PRKCQ: variants seen among roughly 807,000 people sequenced by gnomAD.
The protein encoded by PRKCQ is protein kinase C theta.
In PRKCQ, 41 loss-of-function variants were observed where a neutral mutation model predicts 91.2. The observed-to-expected ratio is 0.45, with a 90% CI of 0.35 to 0.58. The LOEUF is 0.58. Ranked by LOEUF, PRKCQ falls within the 20% of genes least tolerant of loss-of-function variation. The pLI, the probability that PRKCQ is intolerant of heterozygous loss-of-function variation, is 0.00. For missense variants in PRKCQ, 673 were observed against 896.5 expected (o/e 0.75, Z 3.18); for synonymous variants, 307 against 316.9 (o/e 0.97, Z 0.33).
At chr10:6,428,618 A>ATCTAATATT (rs570381367) in intron 17 of PRKCQ, among the ~76,000 whole-genome samples, 211 of 152,208 alleles carry the variant, frequency 1.4e-3, no homozygotes, top group African/African-American at 4.9e-3. Flanking sequence ...TTCAAATGGG[A>ATCTAATATT]TCTAATGTTT....
At chr10:6,505,019 G>A (rs528700743) in intron 4 of PRKCQ, among the ~76,000 whole-genome samples, 2 of 151,336 alleles carry the variant, frequency 1.3e-5, no homozygotes, top group Admixed American at 1.3e-4. Flanking sequence ...TCAGCCTCCC[G>A]AGTAGCTGGG....
intron 1 of PRKCQ, among the ~76,000 whole-genome samples, chr10:6,519,669 G>C (rs1299029873): frequency 6.6e-6 from 1 of 152,148 alleles, no homozygotes; most frequent in Non-Finnish European, 1.5e-5. Context: ...AAATGTCATT[G>C]TGTCCTATCA....
downstream of PRKCQ, among the ~76,000 whole-genome samples, chr10:6,423,430 C>T (rs771495375): frequency 3.3e-5 from 5 of 152,168 alleles, no homozygotes; most frequent in South Asian, 2.1e-4. Flanking sequence ...ACTGAGCAGA[C>T]GGCATTGAGG....
chr10:6,484,025 T>C (rs80099117), intron 10 of PRKCQ, among the ~76,000 whole-genome samples: 2,128 of 152,318 alleles, frequency 0.014, 52 homozygotes, highest in African/African-American at 0.048. Flanking sequence ...GGCATCAATT[T>C]CTACAATTTA....
intron 1 of PRKCQ, among the ~76,000 whole-genome samples, chr10:6,544,240 C>T (rs1478438296): frequency 6.6e-6 from 1 of 152,122 alleles, no homozygotes; most frequent in Admixed American, 6.5e-5. Context: ...GAGCTTAATT[C>T]CCACTACCTG....
At chr10:6,487,936 C>T (rs539761235) in intron 8 of PRKCQ, among the ~76,000 whole-genome samples, 8 of 143,890 alleles carry the variant, frequency 5.6e-5, no homozygotes, top group Admixed American at 1.5e-4. Context: ...ACTTGGGAGG[C>T]GGAGGTTGCA....
chr10:6,444,726 G>T (rs932427927), intron 15 of PRKCQ, among the ~76,000 whole-genome samples: 1 of 144,136 alleles, frequency 6.9e-6, no homozygotes, highest in Non-Finnish European at 1.5e-5. Flanking sequence ...ACACACACAC[G>T]CACGCAGAAG....
intron 1 of PRKCQ, among the ~76,000 whole-genome samples, chr10:6,525,207 T>C (rs1023770478): frequency 6.6e-6 from 1 of 151,548 alleles, no homozygotes; most frequent in African/African-American, 2.4e-5. Context: ...AAAACGATAA[T>C]TATATTAAAA....
At chr10:6,474,858 A>C (rs1244383353) in intron 12 of PRKCQ, among the ~76,000 whole-genome samples, 1 of 152,208 alleles carries the variant, frequency 6.6e-6, no homozygotes, top group African/African-American at 2.4e-5. Flanking sequence ...TCTAAGTTGG[A>C]AATCTAGTAG....
At chr10:6,444,590 G>C (rs1408702087) in intron 15 of PRKCQ, among the ~76,000 whole-genome samples, 1 of 152,052 alleles carries the variant, frequency 6.6e-6, no homozygotes, top group East Asian at 1.9e-4. Flanking sequence ...GGAATAATAG[G>C]ATTGAGGCAC....
intron 12 of PRKCQ, among the ~76,000 whole-genome samples, chr10:6,476,095 C>T (rs532159): frequency 0.19 from 29,342 of 152,060 alleles, 2,952 homozygotes; most frequent in Middle Eastern, 0.32. Flanking sequence ...TATTTATATC[C>T]TACTGCTCAA....
chr10:6,441,961 A>C lies in PRKCQ; in HGVS notation c.1768T>G (p.Ser590Ala). Reference protein sequence around the residue: ...HGQDEEELFHSIRMDNPFYPR... With the variant: ...HGQDEEELFHAIRMDNPFYPR... ...TAAAAGGGATTGTCCATGCGGATGG[A>C]GTGGAAGAGCTCCTCCTCATCCTGC... Residue 590 changes from serine (S) to alanine (A), a missense_variant, in exon 16 of 18, where the codon TCC becomes GCC. Coordinates refer to ENST00000263125, the MANE Select transcript of PRKCQ (RefSeq NM_006257.5). The C allele has an allele frequency of 6.2e-7, 1 of 1,614,122 alleles. No individual in the cohort carries two copies. The highest frequency in any genetic ancestry group is 8.5e-7 in the Non-Finnish European group (1 of 1,180,008).
chr10:6,478,957 GA>G, intron 12 of PRKCQ, 34 bp downstream of exon 12: 1 of 1,610,098 alleles, frequency 6.2e-7, no homozygotes, highest in Non-Finnish European at 8.5e-7. Flanking sequence ...AGACAGGTTA[GA>G]GGGGAGGTAG....
chr10:6,447,705 T>G (rs1035494641), intron 15 of PRKCQ, among the ~76,000 whole-genome samples: 3 of 152,216 alleles, frequency 2.0e-5, no homozygotes, highest in African/African-American at 7.2e-5. Flanking sequence ...GCCTGCCAGA[T>G]GGCCTCTGTC....
chr10:6,544,930 T>C (rs1839897521), intron 1 of PRKCQ, among the ~76,000 whole-genome samples: 1 of 151,906 alleles, frequency 6.6e-6, no homozygotes, highest in Non-Finnish European at 1.5e-5. Flanking sequence ...CCACATTGTC[T>C]TAAGTCAACT....
Position 6,562,457 on chromosome 10 carries a change from C to T in PRKCQ, c.-10+17754G>A, listed in dbSNP as rs1840671122. 2.6e-5 allele frequency among the ~76,000 whole-genome samples: 4 copies of T among 152,292 alleles called. No individual in the cohort carries two copies. In the South Asian group the frequency reaches 8.3e-4, roughly 32 times the overall value. On this transcript the variant is annotated intron_variant, in intron 1 of 17. Coordinates refer to ENST00000263125, the MANE Select transcript of PRKCQ (RefSeq NM_006257.5). Reference sequence around the variant, plus strand: ...CCCAGCCAAGCCGACTGGATCTTAGCAGAGCTCCCGGCTTGATGATTATGC... The same window carrying T: ...CCCAGCCAAGCCGACTGGATCTTAGTAGAGCTCCCGGCTTGATGATTATGC...
chr10:6,458,883 C>T (rs142461298), intron 14 of PRKCQ, among the ~76,000 whole-genome samples: 309 of 152,328 alleles, frequency 2.0e-3, no homozygotes, highest in African/African-American at 7.1e-3. Flanking sequence ...CTTCTTTCCA[C>T]ATCTGCATAC....
At chr10:6,404,836 TTTCTTTCTTTCC>T in the PRKCQ span, among the ~76,000 whole-genome samples, 25 of 142,224 alleles carry the variant, frequency 1.8e-4, no homozygotes, top group African/African-American at 6.5e-4. Flanking sequence ...TCCTTCTTTC[TTTCTTTCTTTCC>T]TTCTTTCTTT....
intron 1 of PRKCQ, chr10:6,515,558 T>C (rs1473761619): frequency 1.0e-6 from 1 of 966,716 alleles, no homozygotes; most frequent in Non-Finnish European, 1.2e-6. Flanking sequence ...TCTATTTTAG[T>C]CACACTAGTT....
Sources: gnomAD v4.1 joint callset for allele counts (sites outside exome capture counted in the v4.1 genomes callset) on GRCh38, gnomAD v4.1.1 for gene constraint, MANE v1.5 for transcripts, NCBI Gene and HGNC (gene_info 2026-07-23, HGNC 2026-07-21) for gene names.